Variants in GNG12 observed in about 807,000 individuals in gnomAD.
GNG12 encodes G protein subunit gamma 12.
For synonymous variants in GNG12, 28 were observed against 29.7 expected, an observed-to-expected ratio of 0.94 and a Z score of 0.19; for missense variants, 69 against 83.8, an observed-to-expected ratio of 0.82 and a Z score of 0.69.
At chr1:67,765,747 C>A (rs59823803) in intron 2 of GNG12, among the ~76,000 whole-genome samples, 4 of 152,054 alleles carry the variant, frequency 2.6e-5, no homozygotes, top group Admixed American at 1.3e-4. Flanking sequence ...TGAAACGATG[C>A]GAATAAACTA....
intron 1 of GNG12, among the ~76,000 whole-genome samples, chr1:67,824,677 A>G (rs568947735): frequency 6.6e-6 from 1 of 152,312 alleles, no homozygotes; most frequent in East Asian, 1.9e-4. Context: ...ATTTTCCCAG[A>G]AGTGTGAAGA....
intron 1 of GNG12, among the ~76,000 whole-genome samples, chr1:67,789,842 G>A (rs1380414775): frequency 6.6e-6 from 1 of 152,164 alleles, no homozygotes; most frequent in Non-Finnish European, 1.5e-5. Flanking sequence ...CTCAGGTGAG[G>A]CTGTGAGCCT....
chr1:67,781,374 G>A lies in GNG12; in HGVS notation c.-76-3867C>T, dbSNP rs145118757. On this transcript the variant is annotated intron_variant, in intron 1 of 3. Transcript: ENST00000370982. ...TAATGACATTAATTTATTTATTATT[G>A]AGAGGTATACTGAATGTAAATCATG... 5.2e-3 allele frequency among the ~76,000 whole-genome samples: 784 copies of A among 152,188 alleles called. 7 individuals are homozygous for A. Among genetic ancestry groups the A allele is most frequent in the African/African-American group, 0.018 (750 of 41,508 alleles).
intron 1 of GNG12, among the ~76,000 whole-genome samples, chr1:67,833,056 G>C (rs1013127565): frequency 3.3e-5 from 5 of 151,634 alleles, no homozygotes; most frequent in Admixed American, 2.0e-4. Context: ...AACCTCGGGC[G>C]GCCGCCCGTC....
intron 2 of GNG12, among the ~76,000 whole-genome samples, chr1:67,758,982 TAG>T (rs1400488520): frequency 1.3e-5 from 2 of 152,068 alleles, no homozygotes; most frequent in Admixed American, 6.5e-5. Context: ...GTAGAAAAAT[TAG>T]AGTCAACAAC....
intron 1 of GNG12, among the ~76,000 whole-genome samples, chr1:67,810,344 T>C (rs1646918007): frequency 6.6e-6 from 1 of 152,210 alleles, no homozygotes; most frequent in Non-Finnish European, 1.5e-5. Flanking sequence ...CATGTCATCA[T>C]GTATTAGTCA....
intron 2 of GNG12, among the ~76,000 whole-genome samples, chr1:67,756,610 G>A (rs184648487): frequency 2.0e-5 from 3 of 152,280 alleles, no homozygotes; most frequent in Admixed American, 2.0e-4. Context: ...CCTGGTGTGA[G>A]CATGAGTGCA....
chr1:67,758,459 G>A (rs1646583059), intron 2 of GNG12, among the ~76,000 whole-genome samples: 1 of 152,174 alleles, frequency 6.6e-6, no homozygotes, highest in Non-Finnish European at 1.5e-5. Flanking sequence ...TCGCTAACCT[G>A]GGCAGCAGAC....
At chr1:67,782,889 CAT>C (rs1204634844) in intron 1 of GNG12, among the ~76,000 whole-genome samples, 6 of 152,036 alleles carry the variant, frequency 3.9e-5, no homozygotes, top group Admixed American at 6.6e-5. Flanking sequence ...TTGATAGAAA[CAT>C]GTGTTTTTAT....
At chr1:67,828,396 T>A (rs894574145) in intron 1 of GNG12, among the ~76,000 whole-genome samples, 1 of 152,160 alleles carries the variant, frequency 6.6e-6, no homozygotes, top group Non-Finnish European at 1.5e-5. Context: ...TGCACCTCCA[T>A]CTCCGTGCAG....
At chr1:67,718,698 C>A (rs1235064834) in intron 2 of GNG12, among the ~76,000 whole-genome samples, 1 of 152,010 alleles carries the variant, frequency 6.6e-6, no homozygotes, top group East Asian at 1.9e-4. Context: ...TGTAACAGCA[C>A]TCCTGCCCCT....
chr1:67,811,860 T>C (rs887424896), intron 1 of GNG12, among the ~76,000 whole-genome samples: 2 of 152,166 alleles, frequency 1.3e-5, no homozygotes, highest in South Asian at 2.1e-4. Flanking sequence ...ACTATTGATG[T>C]AGAGGCTATA....
chr1:67,741,300 C>T (rs1188474369), intron 2 of GNG12, among the ~76,000 whole-genome samples: 1 of 152,190 alleles, frequency 6.6e-6, no homozygotes, highest in African/African-American at 2.4e-5. Context: ...TGATTGCACA[C>T]CTGGACTTCA....
chr1:67,820,714 G>A (rs1049843556), intron 1 of GNG12, among the ~76,000 whole-genome samples: 1 of 152,152 alleles, frequency 6.6e-6, no homozygotes, highest in Non-Finnish European at 1.5e-5. Context: ...CTCAGAACCT[G>A]CTTCCTCACT....
intron 1 of GNG12, among the ~76,000 whole-genome samples, chr1:67,819,952 C>A (rs1646975804): frequency 6.6e-6 from 1 of 152,152 alleles, no homozygotes; most frequent in Non-Finnish European, 1.5e-5. Flanking sequence ...CTGTCTCAGT[C>A]CCCTGCTTTG....
intron 2 of GNG12, among the ~76,000 whole-genome samples, chr1:67,771,751 G>A (rs1185986889): frequency 1.3e-5 from 2 of 152,198 alleles, no homozygotes; most frequent in African/African-American, 4.8e-5. Context: ...CAGCTGGAAG[G>A]AGCTGGTTCC....
Position 67,707,722 on chromosome 1 carries a change from A to AT in GNG12, c.-26-11dup, listed in dbSNP as rs756909558. The AT allele has an allele frequency of 4.5e-5, 64 of 1,431,454 alleles. No homozygotes were observed. The highest frequency in any genetic ancestry group is 5.2e-5 in the Non-Finnish European group (54 of 1,040,408). 88.7% of individuals were successfully genotyped at this position (1,431,454 alleles called of 1,614,324 possible). ...TGTTTTTACCTGAAATCTGAGGAGA[A>AT]TTTTTTTTAAAGACAAGTAACAGGC... is the stretch of plus-strand genomic sequence containing the variant. On this transcript the variant is annotated splice_polypyrimidine_tract_variant and intron_variant, in intron 2 of 3. Transcript: ENST00000370982.
At chr1:67,819,498 T>C (rs942640195) in intron 1 of GNG12, among the ~76,000 whole-genome samples, 3 of 152,146 alleles carry the variant, frequency 2.0e-5, no homozygotes, top group Non-Finnish European at 4.4e-5. Flanking sequence ...ACACTTAAAA[T>C]AGTTTAAAAA....
intron 2 of GNG12, among the ~76,000 whole-genome samples, chr1:67,760,134 G>A (rs1337945210): frequency 2.0e-5 from 3 of 152,208 alleles, no homozygotes; most frequent in Admixed American, 2.0e-4. Flanking sequence ...GCGAAGTGCT[G>A]AGCATGTTAC....
Sources: allele counts gnomAD v4.1 joint callset (sites outside exome capture counted in the v4.1 genomes callset), GRCh38; gene constraint gnomAD v4.1.1; transcripts MANE v1.5; gene names NCBI Gene and HGNC (gene_info 2026-07-23, HGNC 2026-07-21).